CSMD1: variants seen among roughly 807,000 people sequenced by gnomAD.
CSMD1 encodes CUB and Sushi multiple domains 1, also known as CUB and sushi domain-containing protein 1.
Under a neutral mutation model 417.5 loss-of-function variants are expected in CSMD1, and 213 were observed. That is an observed-to-expected ratio of 0.51 (90% CI 0.46 to 0.57). CSMD1 has a LOEUF of 0.57. CSMD1 is among the 20% of genes least tolerant of loss of function. The probability of loss-of-function intolerance (pLI) is 0.00; values close to 1 mark genes in which losing one functional copy is unlikely to be tolerated. For synonymous variants in CSMD1, 2,862 were observed against 1,736.8 expected, an observed-to-expected ratio of 1.65 and a Z score of -16.11; for missense variants, 6,923 against 4,529.7, an observed-to-expected ratio of 1.53 and a Z score of -15.17.
At chr8:4,575,888 C>G (rs1270539750) in intron 2 of CSMD1, among the ~76,000 whole-genome samples, 1 of 152,152 alleles carries the variant, frequency 6.6e-6, no homozygotes, top group Non-Finnish European at 1.5e-5. Context: ...CATTCATTCC[C>G]CGTGTTACAG....
intron 3 of CSMD1, among the ~76,000 whole-genome samples, chr8:4,179,671 T>G (rs375010690): frequency 2.0e-5 from 3 of 152,056 alleles, no homozygotes; most frequent in Non-Finnish European, 4.4e-5. Context: ...ATTTTCGCAA[T>G]CTACTCATCT....
rs1012835381 is a variant in CSMD1 at position 4,802,356 on chromosome 8, T to C, written c.86-164798A>G. 4.9e-3 allele frequency among the ~76,000 whole-genome samples: 698 copies of C among 142,994 alleles called. 1 individual carries two copies. Among genetic ancestry groups the C allele is most frequent in the African/African-American group, 0.017 (633 of 37,398 alleles). The allele number at this position is 142,994 out of a possible 152,430, so 93.8% of individuals were successfully genotyped here. On this transcript the variant is annotated intron_variant, in intron 1 of 69. Coordinates refer to ENST00000635120, the MANE Select transcript of CSMD1 (RefSeq NM_033225.6). ...AGCAAAATGAGTGTGTGCGCGCGTGTGTGTGTGTGTGTGTGTGTGTGTAGG... is the reference window on the plus strand; with the variant it reads ...AGCAAAATGAGTGTGTGCGCGCGTGCGTGTGTGTGTGTGTGTGTGTGTAGG...
intron 1 of CSMD1, among the ~76,000 whole-genome samples, chr8:4,906,431 A>C (rs897253218): frequency 6.6e-6 from 1 of 152,222 alleles, no homozygotes; most frequent in Non-Finnish European, 1.5e-5. Context: ...CAGCAACTTA[A>C]AGGACCAAGG....
chr8:3,705,649 C>G (rs1006653958), intron 7 of CSMD1, among the ~76,000 whole-genome samples: 2 of 152,208 alleles, frequency 1.3e-5, no homozygotes, highest in African/African-American at 4.8e-5. Flanking sequence ...CCTGCAGACC[C>G]TGAGCTAGAC....
At chr8:4,523,272 G>T (rs1388573446) in intron 2 of CSMD1, among the ~76,000 whole-genome samples, 1 of 152,146 alleles carries the variant, frequency 6.6e-6, no homozygotes, top group African/African-American at 2.4e-5. Context: ...CAAATCATTT[G>T]CCATACCTGG....
chr8:3,682,597 CT>C (rs1346289757), intron 7 of CSMD1, among the ~76,000 whole-genome samples: 2 of 152,148 alleles, frequency 1.3e-5, no homozygotes, highest in Non-Finnish European at 2.9e-5. Context: ...GTTGGTGGGA[CT>C]GTAAACTAGT....
intron 2 of CSMD1, among the ~76,000 whole-genome samples, chr8:4,444,401 G>T (rs985310861): frequency 2.1e-5 from 3 of 142,378 alleles, no homozygotes; most frequent in African/African-American, 7.9e-5. Flanking sequence ...AGTAGGTCAT[G>T]CTGAATGTGG....
At chr8:3,205,422 G>C in intron 31 of CSMD1, 82 bp downstream of exon 31, 1 of 721,554 alleles carries the variant, frequency 1.4e-6, no homozygotes, top group Non-Finnish European at 2.3e-6. Context: ...CTAAGCTCTA[G>C]CATACTTGTT....
At chr8:3,372,810 A>C (rs1810055181) in intron 18 of CSMD1, among the ~76,000 whole-genome samples, 1 of 152,204 alleles carries the variant, frequency 6.6e-6, no homozygotes, top group Admixed American at 6.5e-5. Flanking sequence ...AGCAAGGGAT[A>C]GAAGGGAGAC....
chr8:3,522,556 T>G (rs981176303), intron 10 of CSMD1, among the ~76,000 whole-genome samples: 1 of 152,124 alleles, frequency 6.6e-6, no homozygotes, highest in Non-Finnish European at 1.5e-5. Flanking sequence ...ACTTTATGAC[T>G]GAGAATAGAG....
intron 2 of CSMD1, among the ~76,000 whole-genome samples, chr8:4,632,782 G>C (rs892937516): frequency 6.6e-6 from 1 of 152,152 alleles, no homozygotes; most frequent in African/African-American, 2.4e-5. Flanking sequence ...AATGCCTAGG[G>C]AAGATTTCCT....
intron 18 of CSMD1, among the ~76,000 whole-genome samples, chr8:3,369,665 A>C (rs1038382393): frequency 6.6e-6 from 1 of 152,120 alleles, no homozygotes; most frequent in Non-Finnish European, 1.5e-5. Flanking sequence ...ACAGGTTTGC[A>C]CTCCTGAGAG....
At chr8:3,450,044 C>G (rs545989846) in intron 12 of CSMD1, among the ~76,000 whole-genome samples, 3 of 152,312 alleles carry the variant, frequency 2.0e-5, no homozygotes, top group Admixed American at 6.5e-5. Flanking sequence ...GGAGCCTCTC[C>G]TTCCCTGGTT....
chr8:4,692,034 C>G (rs530502470), intron 1 of CSMD1, among the ~76,000 whole-genome samples: 1 of 152,178 alleles, frequency 6.6e-6, no homozygotes, highest in Non-Finnish European at 1.5e-5. Flanking sequence ...GTCCTACTAT[C>G]CTGAATTATG....
At chr8:3,578,558 A>G (rs1178198860) in intron 9 of CSMD1, among the ~76,000 whole-genome samples, 1 of 152,144 alleles carries the variant, frequency 6.6e-6, no homozygotes, top group East Asian at 1.9e-4. Flanking sequence ...ATACAAATTT[A>G]TCTGATGTTC....
intron 26 of CSMD1, among the ~76,000 whole-genome samples, chr8:3,270,344 C>T (rs992795066): frequency 6.6e-6 from 1 of 152,172 alleles, no homozygotes; most frequent in Non-Finnish European, 1.5e-5. Context: ...GCATGAGCCA[C>T]TGCACCTGGC....
At chr8:3,551,528 G>A (rs1308316648) in intron 10 of CSMD1, among the ~76,000 whole-genome samples, 1 of 148,970 alleles carries the variant, frequency 6.7e-6, no homozygotes, top group Admixed American at 6.7e-5. Flanking sequence ...CCTAACCACT[G>A]CTTCTATATT....
Position 4,390,025 on chromosome 8 carries a change from T to C in CSMD1, c.415+29928A>G, listed in dbSNP as rs192439619. 3.2e-4 allele frequency among the ~76,000 whole-genome samples: 48 copies of C among 152,344 alleles called. 1 individual carries two copies. In the East Asian group the frequency reaches 8.1e-3, roughly 26 times the overall value. On this transcript the variant is annotated intron_variant, in intron 3 of 69. Coordinates refer to ENST00000635120, the MANE Select transcript of CSMD1 (RefSeq NM_033225.6). ...TTCCTAGATATTACCAATTTGCTTTTCACAAATTGCTATACTAATTTACAT... is the reference window on the plus strand; with the variant it reads ...TTCCTAGATATTACCAATTTGCTTTCCACAAATTGCTATACTAATTTACAT...
At chr8:4,412,777 T>G (rs1269378053) in intron 3 of CSMD1, among the ~76,000 whole-genome samples, 1 of 152,196 alleles carries the variant, frequency 6.6e-6, no homozygotes, top group Non-Finnish European at 1.5e-5. Flanking sequence ...ATACCTATAC[T>G]GATATGACAG....
Sources: allele counts gnomAD v4.1 joint callset (sites outside exome capture counted in the v4.1 genomes callset), GRCh38; gene constraint gnomAD v4.1.1; transcripts MANE v1.5; gene names NCBI Gene and HGNC (gene_info 2026-07-23, HGNC 2026-07-21).